Variants in SATB2 observed in about 807,000 individuals in gnomAD.
The protein encoded by SATB2 is SATB homeobox 2.
In SATB2, 1 loss-of-function variant was observed where a neutral mutation model predicts 73.4. The ratio of observed to expected loss-of-function variants is 0.01; its 90% confidence interval spans 0.00 to 0.06. The LOEUF (loss-of-function observed/expected upper bound fraction) is 0.06, where lower values mean the gene tolerates loss of function less well. Ranked by LOEUF, SATB2 falls within the 10% of genes least tolerant of loss-of-function variation. The probability of loss-of-function intolerance (pLI) is 1.00; values close to 1 mark genes in which losing one functional copy is unlikely to be tolerated. For synonymous variants in SATB2, 397 were observed against 367.0 expected, an observed-to-expected ratio of 1.08 and a Z score of -0.93; for missense variants, 459 against 945.8, an observed-to-expected ratio of 0.49 and a Z score of 6.75.
At chr2:199,384,322 C>T (rs1295096462) in intron 3 of SATB2, among the ~76,000 whole-genome samples, 1 of 152,164 alleles carries the variant, frequency 6.6e-6, no homozygotes. Context: ...TCCTTTTTTG[C>T]ACCTTATTAA....
chr2:199,399,045 C>T (rs765570253), intron 3 of SATB2, among the ~76,000 whole-genome samples: 4 of 152,072 alleles, frequency 2.6e-5, no homozygotes, highest in African/African-American at 4.8e-5. Flanking sequence ...CCAAGGTGGG[C>T]AGGTCGCTTA....
chr2:199,414,427 C>A (rs549515868), intron 3 of SATB2, among the ~76,000 whole-genome samples: 8 of 152,236 alleles, frequency 5.3e-5, no homozygotes, highest in Admixed American at 1.3e-4. Context: ...ATCCACCCCC[C>A]ACCAGGGCAA....
At chr2:199,327,000 G>C (rs189999886) in intron 8 of SATB2, among the ~76,000 whole-genome samples, 44 of 152,236 alleles carry the variant, frequency 2.9e-4, no homozygotes, top group African/African-American at 1.0e-3. Flanking sequence ...ACTTGAAAAA[G>C]CTCAAATATT....
At chr2:199,279,927 G>T (rs1185191965) in intron 10 of SATB2, among the ~76,000 whole-genome samples, 2 of 152,156 alleles carry the variant, frequency 1.3e-5, no homozygotes, top group African/African-American at 4.8e-5. Context: ...GATCACTTGA[G>T]TTCAGGAGTT....
chr2:199,457,719 A>T lies in SATB2; in HGVS notation c.-440T>A, dbSNP rs1692330734. The T allele has an allele frequency of 6.3e-6, 1 of 157,822 alleles. No homozygotes were observed. Among genetic ancestry groups the T allele is most frequent in the Non-Finnish European group, 1.4e-5 (1 of 72,058 alleles). The allele number at this position is 157,822 out of a possible 1,614,324, so 9.8% of individuals were successfully genotyped here. On this transcript the variant is annotated 5_prime_UTR_variant, in exon 1 of 11. Transcript: ENST00000417098. The surrounding 1 kb of genome is among the most constrained non-coding windows in gnomAD (Gnocchi z 4.8). ...CCCGTTCTGGAGAGAAAGGGCTGAG[A>T]ACCCGGAGGCGGCGGCGGCGGCGGC...
chr2:199,336,364 T>C (rs1574518507), intron 7 of SATB2, among the ~76,000 whole-genome samples: 1 of 152,278 alleles, frequency 6.6e-6, no homozygotes, highest in East Asian at 1.9e-4. Flanking sequence ...TGGGCCCTTC[T>C]TATTCCTAGT....
At chr2:199,417,253 G>C (rs1691022159) in intron 3 of SATB2, among the ~76,000 whole-genome samples, 2 of 151,910 alleles carry the variant, frequency 1.3e-5, no homozygotes, top group South Asian at 2.1e-4. Flanking sequence ...CTCTAGGAGA[G>C]AGGATAAAAA....
At chr2:199,461,639 C>T (rs1393992195), upstream of SATB2, among the ~76,000 whole-genome samples, 1 of 152,190 alleles carries the variant, frequency 6.6e-6, no homozygotes, top group Non-Finnish European at 1.5e-5. Flanking sequence ...TTCTAACTGA[C>T]GTTTTTGTCG....
At chr2:199,395,433 T>G (rs1427338970) in intron 3 of SATB2, among the ~76,000 whole-genome samples, 1 of 152,184 alleles carries the variant, frequency 6.6e-6, no homozygotes, top group African/African-American at 2.4e-5. Context: ...AAATTTTTGT[T>G]AAGTTAAAAT....
At chr2:199,284,955 A>G (rs1292298829) in intron 10 of SATB2, among the ~76,000 whole-genome samples, 1 of 152,158 alleles carries the variant, frequency 6.6e-6, no homozygotes, top group Non-Finnish European at 1.5e-5. Context: ...TGTACATTAC[A>G]TGCAAATACT....
upstream of SATB2, among the ~76,000 whole-genome samples, chr2:199,462,232 C>T (rs921015941): frequency 1.3e-5 from 2 of 152,358 alleles, no homozygotes; most frequent in East Asian, 3.9e-4. The surrounding 1 kb of genome is among the most constrained non-coding windows in gnomAD (Gnocchi z 5.9). Context: ...GCGGGCCTGC[C>T]TCTTCCCCTG....
Position 199,295,821 on chromosome 2 carries a change from T to C in SATB2, c.1740+12939A>G, listed in dbSNP as rs1334618710. On this transcript the variant is annotated intron_variant, in intron 10 of 10. Coordinates refer to ENST00000417098, the MANE Select transcript of SATB2 (RefSeq NM_001172509.2). ...GATCTGGAAACAACTTGTGAGGAAA[T>C]TGAACTTGTGACCTTAGAACTGTCA... Among the ~76,000 whole-genome samples, 6 of 152,206 alleles carry C rather than the reference T, an allele frequency of 3.9e-5. No individual in the cohort carries two copies. In the South Asian group the frequency reaches 1.0e-3, roughly 26 times the overall value.
At chr2:199,274,861 C>G (rs1343578517) in intron 10 of SATB2, among the ~76,000 whole-genome samples, 1 of 152,012 alleles carries the variant, frequency 6.6e-6, no homozygotes, top group Admixed American at 6.6e-5. Context: ...TGGTGCTGGT[C>G]AGGTCCACTT....
intron 6 of SATB2, among the ~76,000 whole-genome samples, chr2:199,356,811 C>A (rs1688998686): frequency 6.6e-6 from 1 of 151,678 alleles, no homozygotes; most frequent in South Asian, 2.1e-4. Context: ...ACTAACATAC[C>A]TTTTTCAAAC....
At chr2:199,431,126 C>T (rs1691489125) in intron 3 of SATB2, among the ~76,000 whole-genome samples, 1 of 152,144 alleles carries the variant, frequency 6.6e-6, no homozygotes, top group African/African-American at 2.4e-5. Flanking sequence ...CAAAAAACTA[C>T]CCCCATAAAA....
At chr2:199,426,582 C>T (rs1007826240) in intron 3 of SATB2, among the ~76,000 whole-genome samples, 2 of 151,750 alleles carry the variant, frequency 1.3e-5, no homozygotes, top group Non-Finnish European at 2.9e-5. Flanking sequence ...CAAGTGTCAG[C>T]CACCACGCCT....
Position 199,456,077 on chromosome 2 carries a change from G to GC in SATB2, c.-41dup, listed in dbSNP as rs1692264864. 9.5e-7 allele frequency: 1 copy of GC among 1,051,208 alleles called. No individual in the cohort carries two copies. The highest frequency in any genetic ancestry group is 1.3e-6 in the Non-Finnish European group (1 of 786,126). The allele number at this position is 1,051,208 out of a possible 1,614,324, so 65.1% of individuals were successfully genotyped here. On this transcript the variant is annotated 5_prime_UTR_variant, in exon 2 of 11. Transcript: ENST00000417098. ...GAGACAAAGTTCCCACCGGCAGGTC[G>GC]CAATAAAACGCACAGGGACCTAGGG...
intron 8 of SATB2, among the ~76,000 whole-genome samples, chr2:199,328,034 T>C (rs144040896): frequency 2.1e-4 from 32 of 152,324 alleles, no homozygotes; most frequent in Non-Finnish European, 4.0e-4. Context: ...GTGCTTGCTA[T>C]GCAAACTCAG....
chr2:199,290,037 C>T lies in SATB2; in HGVS notation c.1741-17365G>A, dbSNP rs543091987. ...GCCTCTTCTGTGTACAAGAAGGCCC[C>T]GTAACCTCACTGCAGCCTGAGCCCC... On this transcript the variant is annotated intron_variant, in intron 10 of 10. Transcript: ENST00000417098. Among the ~76,000 whole-genome samples, 300 of 152,322 alleles carry T rather than the reference C, an allele frequency of 2.0e-3. 3 individuals are homozygous for T. The highest frequency in any genetic ancestry group is 6.7e-3 in the African/African-American group (279 of 41,576).
Sources: allele counts gnomAD v4.1 joint callset (sites outside exome capture counted in the v4.1 genomes callset), GRCh38; gene constraint gnomAD v4.1.1; non-coding constraint Gnocchi (gnomAD v3.1); transcripts MANE v1.5; gene names NCBI Gene and HGNC (gene_info 2026-07-23, HGNC 2026-07-21).